PCDH15: variants seen among roughly 807,000 people sequenced by gnomAD.
PCDH15 encodes the protein protocadherin related 15.
A neutral mutation model predicts 178.5 loss-of-function variants in PCDH15; 129 were observed. The ratio of observed to expected loss-of-function variants is 0.72; its 90% CI spans 0.63 to 0.84. The LOEUF (loss-of-function observed/expected upper bound fraction) is 0.84. Among genes scored for constraint, PCDH15 ranks in the 40% least tolerant of loss-of-function variants. PCDH15 has a pLI of 0.00. For synonymous variants in PCDH15, 800 were observed against 732.0 expected, an observed-to-expected ratio of 1.09 and a Z score of -1.50; for missense variants, 2,230 against 2,099.9, an observed-to-expected ratio of 1.06 and a Z score of -1.21.
intron 3 of PCDH15, among the ~76,000 whole-genome samples, chr10:54,467,601 G>GTTTTTTTTTTTTTTTTTTTTTTTTT (rs67776985): frequency 9.0e-4 from 41 of 45,702 alleles, no homozygotes; most frequent in East Asian, 1.4e-3. Context: ...TCAAGCTGTA[G>GTTTTTTTTTTTTTTTTTTTTTTTTT]TTTTTTTTTT....
At chr10:54,299,792 A>G (rs1451234363) in intron 8 of PCDH15, among the ~76,000 whole-genome samples, 5 of 152,210 alleles carry the variant, frequency 3.3e-5, no homozygotes, top group African/African-American at 9.6e-5. Context: ...GGTCTGCTCA[A>G]ACGTGCGAGT....
rs2089706231 is a variant in PCDH15 at position 53,971,724 on chromosome 10, C to T, written c.2869-9832G>A. Reference sequence around the variant, plus strand: ...GAGAATAAAATACCTGGGAACCCTACTTACAAGGGATGTGAAGGACCTCTT... The same window carrying T: ...GAGAATAAAATACCTGGGAACCCTATTTACAAGGGATGTGAAGGACCTCTT... On this transcript the variant is annotated intron_variant, in intron 21 of 37. Transcript: ENST00000644397. Among the ~76,000 whole-genome samples, 4 of 152,138 alleles carry T rather than the reference C, an allele frequency of 2.6e-5. No homozygotes were observed. In the South Asian group the frequency reaches 8.3e-4, roughly 32 times the overall value.
chr10:54,329,540 TGA>T, intron 7 of PCDH15, 54 bp downstream of exon 7: 3 of 1,292,684 alleles, frequency 2.3e-6, no homozygotes, highest in South Asian at 1.2e-5. Flanking sequence ...ACATTTTGGA[TGA>T]GTTTTTTACT....
chr10:54,662,353 C>T (rs1019279494), intron 2 of PCDH15, among the ~76,000 whole-genome samples: 3 of 151,886 alleles, frequency 2.0e-5, no homozygotes, highest in Non-Finnish European at 2.9e-5. Flanking sequence ...AAATGAGACA[C>T]CATTTCATCC....
At chr10:55,623,213 C>T (rs951821222) in intron 2 of PCDH15, among the ~76,000 whole-genome samples, 9 of 152,142 alleles carry the variant, frequency 5.9e-5, no homozygotes, top group Non-Finnish European at 7.3e-5. Flanking sequence ...TAGGCTCTGG[C>T]ACTCCCAGAC....
chr10:54,050,309 A>AT (rs1354597789), intron 18 of PCDH15, among the ~76,000 whole-genome samples: 1 of 152,082 alleles, frequency 6.6e-6, no homozygotes, highest in Non-Finnish European at 1.5e-5. Context: ...GTTTCCAGGA[A>AT]TTTATCCATT....
chr10:55,536,148 A>C (rs865789522), intron 2 of PCDH15, among the ~76,000 whole-genome samples: 9 of 152,110 alleles, frequency 5.9e-5, no homozygotes, highest in South Asian at 2.1e-4. Flanking sequence ...CCTAAAGGAC[A>C]TACTTATTTC....
intron 37 of PCDH15, 147 bp downstream of exon 37, chr10:53,810,409 G>C: frequency 1.5e-6 from 1 of 665,938 alleles, no homozygotes; most frequent in South Asian, 1.8e-5. Flanking sequence ...GCAATGAAAC[G>C]GTCAGCACTG....
At chr10:55,613,237 C>T (rs1454280920) in intron 2 of PCDH15, among the ~76,000 whole-genome samples, 1 of 151,992 alleles carries the variant, frequency 6.6e-6, no homozygotes, top group African/African-American at 2.4e-5. Flanking sequence ...AGTTATTATT[C>T]TTGGCTCAAT....
chr10:54,642,577 G>A (rs961871777), intron 2 of PCDH15, among the ~76,000 whole-genome samples: 1 of 152,010 alleles, frequency 6.6e-6, no homozygotes, highest in African/African-American at 2.4e-5. Context: ...CAAAAGCAAT[G>A]AATATATCAG....
chr10:55,074,039 A>G (rs188767352), intron 2 of PCDH15, among the ~76,000 whole-genome samples: 98 of 152,130 alleles, frequency 6.4e-4, no homozygotes, highest in African/African-American at 2.1e-3. Flanking sequence ...AAAGTGCATG[A>G]TCTCATTCTT....
At chr10:53,953,770 A>AT (rs1461724731) in intron 23 of PCDH15, among the ~76,000 whole-genome samples, 6 of 151,934 alleles carry the variant, frequency 3.9e-5, no homozygotes, top group Non-Finnish European at 7.4e-5. Flanking sequence ...TAAAGAAGTA[A>AT]TTTTTTTGTT....
intron 2 of PCDH15, among the ~76,000 whole-genome samples, chr10:54,529,944 A>G (rs1164192800): frequency 2.0e-5 from 3 of 152,054 alleles, no homozygotes; most frequent in Non-Finnish European, 4.4e-5. Context: ...CTGTGTGCCA[A>G]TGCCATAATA....
At chr10:53,892,392 G>A (rs2926391) in intron 26 of PCDH15, among the ~76,000 whole-genome samples, 101,037 of 151,964 alleles carry the variant, frequency 0.66, 34,308 homozygotes, top group East Asian at 0.87. Flanking sequence ...AAAGTAGTCC[G>A]ATTTCTATTA....
At chr10:53,812,598 C>CTGAT (rs1437397600) in intron 35 of PCDH15, among the ~76,000 whole-genome samples, 3 of 152,234 alleles carry the variant, frequency 2.0e-5, no homozygotes, top group Middle Eastern at 3.4e-3. Context: ...TCTAAACATA[C>CTGAT]TGATTGATTT....
At chr10:54,058,502 G>C (rs936222887) in intron 18 of PCDH15, among the ~76,000 whole-genome samples, 1 of 151,998 alleles carries the variant, frequency 6.6e-6, no homozygotes, top group East Asian at 1.9e-4. Context: ...GCATGAGAAA[G>C]ACCTGCCCTG....
intron 2 of PCDH15, among the ~76,000 whole-genome samples, chr10:55,624,356 C>T (rs565060706): frequency 6.6e-6 from 1 of 151,718 alleles, no homozygotes; most frequent in Middle Eastern, 3.4e-3. Context: ...CCATTACATG[C>T]ATTATTAGAG....
chr10:54,623,204 C>A (rs1304884446), intron 2 of PCDH15, among the ~76,000 whole-genome samples: 2 of 152,126 alleles, frequency 1.3e-5, no homozygotes, highest in East Asian at 3.9e-4. Flanking sequence ...TCAAAGCAAA[C>A]GACATCAATT....
At chr10:54,657,953 G>C (rs2094435861) in intron 2 of PCDH15, among the ~76,000 whole-genome samples, 1 of 152,090 alleles carries the variant, frequency 6.6e-6, no homozygotes, top group Non-Finnish European at 1.5e-5. Context: ...AGGCAAAATA[G>C]CTATATTAGA....
Sources: allele counts gnomAD v4.1 joint callset (sites outside exome capture counted in the v4.1 genomes callset), GRCh38; gene constraint gnomAD v4.1.1; transcripts MANE v1.5; gene names NCBI Gene and HGNC (gene_info 2026-07-23, HGNC 2026-07-21).